A3GALT2: variants seen among roughly 807,000 people sequenced by gnomAD.
The protein encoded by A3GALT2 is alpha 1,3-galactosyltransferase 2.
Under a neutral mutation model 16.6 loss-of-function variants are expected in A3GALT2, and 14 were observed. That is an observed-to-expected ratio of 0.84 (90% CI 0.56 to 1.32). A3GALT2 has a LOEUF of 1.32. Ranked by LOEUF, A3GALT2 falls within the 40% of genes most tolerant of loss-of-function variation. A3GALT2 has a pLI of 0.00. For missense variants in A3GALT2, 600 were observed against 490.9 expected, an observed-to-expected ratio of 1.22 and a Z score of -2.10; for synonymous variants, 253 against 218.0, an observed-to-expected ratio of 1.16 and a Z score of -1.42.
At chr1:33,310,345 GAGACCAGGGAGAGGA>G (rs1174121558) in intron 4 of A3GALT2, among the ~76,000 whole-genome samples, 49 of 149,798 alleles carry the variant, frequency 3.3e-4, no homozygotes, top group Middle Eastern at 3.4e-3. Flanking sequence ...CGGGGAGAGG[GAGACCAGGGAGAGGA>G]AGACCGGGGA....
chr1:33,311,342 ACC>A (rs1646231722), intron 4 of A3GALT2, among the ~76,000 whole-genome samples: 3 of 151,980 alleles, frequency 2.0e-5, no homozygotes, highest in Admixed American at 6.6e-5. Flanking sequence ...CTTCACAGTT[ACC>A]TGTTCCCATG....
chr1:33,316,971 A>G (rs1031938634), intron 1 of A3GALT2, among the ~76,000 whole-genome samples: 1 of 152,102 alleles, frequency 6.6e-6, no homozygotes, highest in African/African-American at 2.4e-5. Flanking sequence ...TCGGGCTGTA[A>G]GGAGGACAGA....
chr1:33,308,409 G>A (rs1380747341), intron 4 of A3GALT2, among the ~76,000 whole-genome samples: 2 of 151,968 alleles, frequency 1.3e-5, no homozygotes, highest in Non-Finnish European at 2.9e-5. Flanking sequence ...CTGACACACA[G>A]AATTATTATT....
chr1:33,321,056 A>G lies in A3GALT2; in HGVS notation c.23+20T>C. On this transcript the variant is annotated intron_variant, in intron 1 of 4. Transcript: ENST00000442999. ...CTGTCCCCAAGCTTTCTTCCTCTCC[A>G]TACCATTGTCCCCCCTCACCTGAGT... 1 of 1,612,888 alleles carries G rather than the reference A, an allele frequency of 6.2e-7. No individual in the cohort carries two copies.
In A3GALT2 at chr1:33,307,316, A is replaced by AGCCGGCGTCCCGGGCC. The variant is rs1646199795; in HGVS notation, c.457_472dup (p.Leu158ArgfsTer101). 5 of 1,501,160 alleles carry AGCCGGCGTCCCGGGCC rather than the reference A, an allele frequency of 3.3e-6. No homozygotes were observed. The Admixed American group carries it at 1.2e-4, about 37-fold the overall frequency. 93.0% of individuals were successfully genotyped at this position (1,501,160 alleles called of 1,614,324 possible). On this transcript the variant is annotated frameshift_variant, in exon 5 of 5. Coordinates refer to ENST00000442999, the MANE Select transcript of A3GALT2 (RefSeq NM_001080438.1). LOFTEE classifies it low-confidence loss of function (END_TRUNC). ...CTCGCGCGCCACGCGCTCCACGGGCAGCCGGCGTCCCGGGCCCAGCGCCAC... is the reference window on the plus strand; with the variant it reads ...CTCGCGCGCCACGCGCTCCACGGGCAGCCGGCGTCCCGGGCCGCCGGCGTCCCGGGCCCAGCGCCAC...
intron 1 of A3GALT2, chr1:33,314,591 C>CAGTTCA (rs2148161955): frequency 1.3e-5 from 2 of 152,900 alleles, no homozygotes; most frequent in East Asian, 3.8e-4. Flanking sequence ...CTGGGTGCAC[C>CAGTTCA]CTGACCCCTC....
Position 33,307,062 on chromosome 1 carries a change from C to T in A3GALT2, c.727G>A (p.Ala243Thr), listed in dbSNP as rs1646197328. The change falls in exon 5 of 5, where the codon GCG becomes ACG. Residue 243 changes from alanine to threonine, a missense_variant. By Grantham distance (58) the Ala-to-Thr change is moderately conservative. Transcript: ENST00000442999. ...AAGTCGCCCTGGCCCCACGCCATCG[C>T]GGCGGCCGAATGCGCGTCGCGTTCG... ...PFERDAHSAA[A>T]MAWGQGDFYN... The T allele has an allele frequency of 9.2e-6, 14 of 1,516,506 alleles. No homozygotes were observed. The highest frequency in any genetic ancestry group is 1.2e-5 in the Non-Finnish European group (14 of 1,135,314). 93.9% of individuals were successfully genotyped at this position (1,516,506 alleles called of 1,614,324 possible). A position where few individuals can be genotyped will look rare whatever the true frequency, so the allele number is the denominator to read the frequency against.
chr1:33,307,330 G>A lies in A3GALT2; in HGVS notation c.459C>T (p.Gly153=), dbSNP rs1646199929. 6.5e-7 allele frequency: 1 copy of A among 1,529,074 alleles called. No homozygotes were observed. Among genetic ancestry groups the A allele is most frequent in the South Asian group, 1.2e-5 (1 of 83,582 alleles). 94.7% of individuals were successfully genotyped at this position (1,529,074 alleles called of 1,614,324 possible). A position where few individuals can be genotyped will look rare whatever the true frequency, so the allele number is the denominator to read the frequency against. Reference sequence around the variant, plus strand: ...GCTCCACGGGCAGCCGGCGTCCCGGGCCCAGCGCCACGCGGGGCACCGCTC... The same window carrying A: ...GCTCCACGGGCAGCCGGCGTCCCGGACCCAGCGCCACGCGGGGCACCGCTC... ...LPGAVPRVAL[G]PGRRLPVERV... Residue 153 remains glycine (G), a synonymous_variant, in exon 5 of 5, where the codon GGC becomes GGT. Coordinates refer to ENST00000442999, the MANE Select transcript of A3GALT2 (RefSeq NM_001080438.1).
chr1:33,308,674 T>C (rs1646215397), intron 4 of A3GALT2, among the ~76,000 whole-genome samples: 1 of 150,724 alleles, frequency 6.6e-6, no homozygotes, highest in African/African-American at 2.5e-5. Flanking sequence ...CCCAAAGTGC[T>C]GGGATTACAG....
Position 33,307,176 on chromosome 1 carries a change from T to G in A3GALT2, c.613A>C (p.Ser205Arg). Residue 205 changes from serine to arginine, a missense_variant, in exon 5 of 5, where the codon AGC becomes CGC. Physicochemically the swap from Ser to Arg is moderately radical, Grantham distance 110 (BLOSUM62 -1). Coordinates refer to ENST00000442999, the MANE Select transcript of A3GALT2 (RefSeq NM_001080438.1). ...MFCMDVDQHF[S>R]GTFGPEALAE... ...AGCGCCTCGGGCCCAAAAGTGCCGC[T>G]GAAGTGCTGGTCCACGTCCATGCAG... The G allele has an allele frequency of 6.4e-7, 1 of 1,551,978 alleles. No homozygotes were observed. The highest frequency in any genetic ancestry group is 8.7e-7 in the Non-Finnish European group (1 of 1,152,426).
chr1:33,312,165 A>G lies in A3GALT2; in HGVS notation c.222T>C (p.Cys74=), dbSNP rs1448338120. Residue 74 remains cysteine (C), a synonymous_variant, in exon 4 of 5, where the codon TGT becomes TGC. Transcript: ENST00000442999. ...RPWARPEVLT[C]TPWGAPIIWD... is the part of the protein sequence containing the mutation. Reference sequence around the variant, plus strand: ...AAATAATGGGAGCCCCCCAGGGGGTACAGGTCAGAACTTCAGGCCGGGCCC... The same window carrying G: ...AAATAATGGGAGCCCCCCAGGGGGTGCAGGTCAGAACTTCAGGCCGGGCCC... 2.5e-6 allele frequency: 4 copies of G among 1,613,474 alleles called. No homozygotes were observed. The highest frequency in any genetic ancestry group is 3.3e-5 in the Admixed American group (2 of 59,964).
chr1:33,309,709 C>T (rs1042181631), intron 4 of A3GALT2, among the ~76,000 whole-genome samples: 16 of 149,316 alleles, frequency 1.1e-4, no homozygotes, highest in South Asian at 4.3e-4. Flanking sequence ...CCAGAAAGGG[C>T]GGCGGGGCAG....
rs757202595 is a variant in A3GALT2, at chr1:33,312,557, G to A, written c.141C>T (p.Cys47=). ...HLEALIPMGV[C]PSATMSQLRD... ...TCAGCTGGGACATTGTGGCCGAAGG[G>A]CAGACGCCCATGGGGATGAGGGCTT... The change falls in exon 3 of 5, where the codon TGC becomes TGT. Residue 47 remains cysteine (C), a synonymous_variant. Transcript: ENST00000442999. 3 of 1,601,974 alleles carry A rather than the reference G, an allele frequency of 1.9e-6. No homozygotes were observed. The African/African-American group carries it at 4.0e-5, about 22-fold the overall frequency.
In A3GALT2 at chr1:33,306,930, G is replaced by C. The variant is rs1307193065; in HGVS notation, c.859C>G (p.Arg287Gly). The change falls in exon 5 of 5, where the codon CGC becomes GGC. Residue 287 changes from arginine (R) to glycine (G), a missense_variant. Transcript: ENST00000442999. The stretch of plus-strand genomic sequence containing the variant: ...TTGAGGTGGCTCTCGTCGTGCCAGC[G>C]CGCCTCCAGGCCGCGCGCGCGGTCC... ...DWDRARGLEA[R>G]WHDESHLNKF... 1 of 1,515,118 alleles carries C rather than the reference G, an allele frequency of 6.6e-7. No homozygotes were observed. Among genetic ancestry groups the C allele is most frequent in the Non-Finnish European group, 8.8e-7 (1 of 1,137,990 alleles). 93.9% of individuals were successfully genotyped at this position (1,515,118 alleles called of 1,614,324 possible).
chr1:33,316,181 G>T (rs568049852), intron 1 of A3GALT2, among the ~76,000 whole-genome samples: 14 of 152,148 alleles, frequency 9.2e-5, no homozygotes, highest in Middle Eastern at 3.4e-3. Flanking sequence ...GGGAAGAGAG[G>T]TCCATGGAAA....
chr1:33,318,296 G>A (rs185265782), intron 1 of A3GALT2, among the ~76,000 whole-genome samples: 1 of 152,260 alleles, frequency 6.6e-6, no homozygotes, highest in East Asian at 1.9e-4. Flanking sequence ...TAAAAATATT[G>A]TTACAAATAA....
chr1:33,315,144 G>C (rs941206043), intron 1 of A3GALT2, among the ~76,000 whole-genome samples: 11 of 152,136 alleles, frequency 7.2e-5, no homozygotes, highest in Non-Finnish European at 2.9e-5. Flanking sequence ...CAGCACTTTG[G>C]GAGGCCGAGC....
chr1:33,308,356 G>A (rs1037266608), intron 4 of A3GALT2, among the ~76,000 whole-genome samples: 1 of 151,956 alleles, frequency 6.6e-6, no homozygotes, highest in Non-Finnish European at 1.5e-5. Flanking sequence ...ACATTTGAGA[G>A]CATGAGAAGA....
intron 4 of A3GALT2, among the ~76,000 whole-genome samples, chr1:33,310,371 G>A (rs1436298882): frequency 6.6e-6 from 1 of 152,172 alleles, no homozygotes; most frequent in Non-Finnish European, 1.5e-5. Context: ...AGACCGGGGA[G>A]AGGGAGAGGG....
Sources: allele counts gnomAD v4.1 joint callset (sites outside exome capture counted in the v4.1 genomes callset), GRCh38; gene constraint gnomAD v4.1.1; transcripts MANE v1.5; gene names NCBI Gene and HGNC (gene_info 2026-07-23, HGNC 2026-07-21).